Variants in SLC9A9 observed in about 807,000 individuals in gnomAD.
SLC9A9 encodes the protein solute carrier family 9 member A9.
SLC9A9 carries 62 observed loss-of-function variants against 77.8 expected under a neutral mutation model. The observed-to-expected ratio is 0.80, with a 90% CI of 0.65 to 0.98. The LOEUF (loss-of-function observed/expected upper bound fraction) is 0.98. Among genes scored for constraint, SLC9A9 ranks in the 50% least tolerant of loss-of-function variants. SLC9A9 has a pLI of 0.00. For synonymous variants in SLC9A9, 320 were observed against 283.5 expected (o/e 1.13, Z -1.29); for missense variants, 775 against 774.9 (o/e 1.00, Z 0.00).
At chr3:143,690,805 C>A (rs1419784999) in intron 5 of SLC9A9, among the ~76,000 whole-genome samples, 1 of 152,092 alleles carries the variant, frequency 6.6e-6, no homozygotes, top group Non-Finnish European at 1.5e-5. Flanking sequence ...ATTTGCCCTG[C>A]TTTTGTTGCT....
At chr3:143,828,737 A>G (rs1393807288) in intron 2 of SLC9A9, among the ~76,000 whole-genome samples, 1 of 152,172 alleles carries the variant, frequency 6.6e-6, no homozygotes, top group Non-Finnish European at 1.5e-5. Flanking sequence ...GGTGAAAGGA[A>G]TGACAGGTAC....
intron 11 of SLC9A9, among the ~76,000 whole-genome samples, chr3:143,490,642 TA>T (rs2035726962): frequency 6.6e-6 from 1 of 152,080 alleles, no homozygotes; most frequent in South Asian, 2.1e-4. Flanking sequence ...ACTGTATTCT[TA>T]AAATGGTTAT....
intron 9 of SLC9A9, among the ~76,000 whole-genome samples, chr3:143,524,747 T>C (rs1313877508): frequency 6.6e-6 from 1 of 152,220 alleles, no homozygotes; most frequent in African/African-American, 2.4e-5. Flanking sequence ...AGTGAGACAG[T>C]GTTGAAAGGT....
intron 6 of SLC9A9, among the ~76,000 whole-genome samples, chr3:143,640,272 T>C (rs2038600037): frequency 6.6e-6 from 1 of 152,056 alleles, no homozygotes; most frequent in Non-Finnish European, 1.5e-5. Context: ...CCACCCGCCT[T>C]GGCTTCCCAA....
intron 6 of SLC9A9, among the ~76,000 whole-genome samples, chr3:143,641,087 C>T (rs1466613866): frequency 6.6e-6 from 1 of 151,804 alleles, no homozygotes; most frequent in African/African-American, 2.4e-5. Context: ...TATGAGAACA[C>T]GAGGATGTCA....
chr3:143,506,491 A>G (rs2036020797), intron 9 of SLC9A9, among the ~76,000 whole-genome samples: 1 of 152,186 alleles, frequency 6.6e-6, no homozygotes, highest in South Asian at 2.1e-4. Context: ...ATTTTATTTT[A>G]TATTGCTTGG....
rs192837143 is a variant in SLC9A9 at position 143,489,999 on chromosome 3, A to G, written c.1315+3654T>C. Among the ~76,000 whole-genome samples the G allele has an allele frequency of 7.8e-4, 119 of 152,316 alleles. No homozygotes were observed. The South Asian group carries it at 8.7e-3, about 11-fold the overall frequency. On this transcript the variant is annotated intron_variant, in intron 11 of 15. Coordinates refer to ENST00000316549, the MANE Select transcript of SLC9A9 (RefSeq NM_173653.4). ...CTTCATACCCATTGGGATGACTACC[A>G]TAAGAAAAAGAAACAGAAAATAATT...
intron 6 of SLC9A9, among the ~76,000 whole-genome samples, chr3:143,592,886 C>G (rs140338700): frequency 7.9e-5 from 12 of 152,234 alleles, no homozygotes; most frequent in Admixed American, 7.8e-4. Context: ...AAAAGATCCA[C>G]TGTCTGCATA....
At chr3:143,371,999 T>C (rs1252108070) in intron 13 of SLC9A9, 4 of 426,380 alleles carry the variant, frequency 9.4e-6, no homozygotes, top group African/African-American at 8.2e-5. Context: ...TACCTAGGAA[T>C]ATACTTAACC....
At chr3:143,359,414 A>G (rs908422700) in intron 14 of SLC9A9, among the ~76,000 whole-genome samples, 33 of 152,098 alleles carry the variant, frequency 2.2e-4, no homozygotes, top group African/African-American at 8.0e-4. Context: ...GGAAGGAGTG[A>G]GAGAGTTAGC....
intron 12 of SLC9A9, among the ~76,000 whole-genome samples, chr3:143,393,544 G>C (rs2033623357): frequency 6.6e-6 from 1 of 152,098 alleles, no homozygotes; most frequent in African/African-American, 2.4e-5. Flanking sequence ...AAAAGAACTA[G>C]AGAAGCAAGA....
intron 5 of SLC9A9, among the ~76,000 whole-genome samples, chr3:143,658,039 G>A (rs1049215794): frequency 3.3e-5 from 5 of 151,948 alleles, no homozygotes; most frequent in African/African-American, 1.2e-4. Context: ...GATAATTTTT[G>A]AATTTTTAGT....
At chr3:143,735,398 T>C (rs1259124681) in intron 4 of SLC9A9, among the ~76,000 whole-genome samples, 1 of 152,202 alleles carries the variant, frequency 6.6e-6, no homozygotes, top group Non-Finnish European at 1.5e-5. Context: ...AAAGCTGTAC[T>C]ATTAGTAAAA....
chr3:143,497,693 A>G (rs1363877759), intron 9 of SLC9A9, among the ~76,000 whole-genome samples: 2 of 152,348 alleles, frequency 1.3e-5, no homozygotes, highest in Middle Eastern at 3.4e-3. Flanking sequence ...GGATTTTTGC[A>G]TTGAAGAGAT....
intron 12 of SLC9A9, among the ~76,000 whole-genome samples, chr3:143,397,542 T>C (rs1017962846): frequency 6.6e-6 from 1 of 152,172 alleles, no homozygotes; most frequent in African/African-American, 2.4e-5. Flanking sequence ...TGAAAACCAT[T>C]GTGGTTATTT....
intron 6 of SLC9A9, among the ~76,000 whole-genome samples, chr3:143,580,876 C>T (rs1388997820): frequency 1.3e-5 from 2 of 152,172 alleles, no homozygotes; most frequent in Non-Finnish European, 2.9e-5. Context: ...GACATATGCA[C>T]TAGGTGCCTG....
chr3:143,361,249 A>G (rs1044675118), intron 14 of SLC9A9, among the ~76,000 whole-genome samples: 2 of 152,224 alleles, frequency 1.3e-5, no homozygotes, highest in East Asian at 1.9e-4. Context: ...ATTATTTGTG[A>G]TACCTCATTT....
intron 8 of SLC9A9, 107 bp from the exon 9 acceptor site, chr3:143,552,557 A>G (rs2036911297): frequency 1.1e-6 from 1 of 870,384 alleles, no homozygotes; most frequent in Admixed American, 2.0e-5. Context: ...GTAGAGTTAA[A>G]ACTGCTAGTA....
chr3:143,513,695 G>T (rs1258402367), intron 9 of SLC9A9, among the ~76,000 whole-genome samples: 2 of 152,170 alleles, frequency 1.3e-5, no homozygotes, highest in African/African-American at 2.4e-5. Context: ...AAATAAGAAA[G>T]TCAAAATTAC....
Sources: allele counts gnomAD v4.1 joint callset (sites outside exome capture counted in the v4.1 genomes callset), GRCh38; gene constraint gnomAD v4.1.1; transcripts MANE v1.5; gene names NCBI Gene and HGNC (gene_info 2026-07-23, HGNC 2026-07-21).